SEMA4D: variants seen among roughly 807,000 people sequenced by gnomAD.
SEMA4D encodes the protein semaphorin-4D.
In SEMA4D, 22 loss-of-function variants were observed where a neutral mutation model predicts 74.8. That is an observed-to-expected ratio of 0.29 (90% confidence interval 0.21 to 0.42). SEMA4D has a LOEUF of 0.42. SEMA4D is among the 10% of genes least tolerant of loss of function. SEMA4D has a pLI of 1.00. For synonymous variants in SEMA4D, 445 were observed against 463.7 expected (o/e 0.96, Z 0.52); for missense variants, 937 against 1,118.4 (o/e 0.84, Z 2.31).
At chr9:89,400,573 G>A (rs1049856168) in intron 4 of SEMA4D, among the ~76,000 whole-genome samples, 1 of 152,178 alleles carries the variant, frequency 6.6e-6, no homozygotes, top group Non-Finnish European at 1.5e-5. Context: ...AGTACTAAGG[G>A]AGTGTCATTT....
downstream of SEMA4D, chr9:89,377,074 AAG>A: frequency 6.6e-7 from 1 of 1,518,688 alleles, no homozygotes; most frequent in South Asian, 1.2e-5. Context: ...GAGGACAGAA[AAG>A]AGAGGGCACT....
intron 1 of SEMA4D, among the ~76,000 whole-genome samples, chr9:89,491,433 G>A (rs892282519): frequency 6.6e-6 from 1 of 152,234 alleles, no homozygotes; most frequent in African/African-American, 2.4e-5. Context: ...AGCCGGGCAT[G>A]GTGGCGTGTG....
chr9:89,410,638 C>T lies in SEMA4D; in HGVS notation c.-243-4939G>A, dbSNP rs74768065. Reference sequence around the variant, plus strand: ...GTCCCACATGAACTGGCAGGAGCTCCGGGAAAAAAAATGAGGAATTATTAA... The same window carrying T: ...GTCCCACATGAACTGGCAGGAGCTCTGGGAAAAAAAATGAGGAATTATTAA... On this transcript the variant is annotated intron_variant, in intron 2 of 15. Transcript: ENST00000422704. 4.8e-4 allele frequency among the ~76,000 whole-genome samples: 73 copies of T among 151,638 alleles called. 2 individuals carry two copies. In the East Asian group the frequency reaches 5.0e-3, roughly 10 times the overall value.
At chr9:89,451,779 CTAAGTTTGCTTTAG>C (rs1854567811) in intron 2 of SEMA4D, among the ~76,000 whole-genome samples, 1 of 151,238 alleles carries the variant, frequency 6.6e-6, no homozygotes, top group Non-Finnish European at 1.5e-5. Context: ...AAAAAAAAGA[CTAAGTTTGCTTTAG>C]TAATATATTT....
downstream of SEMA4D, among the ~76,000 whole-genome samples, chr9:89,375,863 T>C (rs1455749254): frequency 1.3e-5 from 2 of 152,244 alleles, no homozygotes; most frequent in African/African-American, 4.8e-5. Context: ...TTTCTGTTTT[T>C]ATAATGATGA....
chr9:89,391,470 A>G, intron 8 of SEMA4D, 55 bp from the exon 9 acceptor site: 1 of 1,592,996 alleles, frequency 6.3e-7, no homozygotes, highest in East Asian at 2.2e-5. Context: ...GACTGCCTGC[A>G]CCCATGAGGT....
intron 18 of SEMA4D, chr9:89,363,420 G>A (rs572893680): frequency 1.7e-5 from 27 of 1,611,238 alleles, no homozygotes; most frequent in South Asian, 1.1e-4. Context: ...GCCCGGCTGC[G>A]GCCACTTACC....
chr9:89,431,814 T>C (rs1372656136), intron 2 of SEMA4D, among the ~76,000 whole-genome samples: 2 of 152,196 alleles, frequency 1.3e-5, no homozygotes, highest in East Asian at 1.9e-4. Context: ...TCTCTTTTGA[T>C]GGTTTCACCT....
rs774684013 is a variant in SEMA4D, at chr9:89,381,180, G to C, written c.1613C>G (p.Pro538Arg). Residue 538 changes from proline (P) to arginine (R), a missense_variant, in exon 14 of 16, where the codon CCC (proline) becomes CGC (arginine). Physicochemically the swap from Pro to Arg is moderately radical, Grantham distance 103 (BLOSUM62 -2). Transcript: ENST00000422704. This position sits in a 1 kb window ranked among gnomAD's most constrained non-coding sequence, Gnocchi z 4.6. ...AGCGCATCCCGCCCCATACCTGCTG[G>C]GGCTCTCGGTCTGGTGCAGAGCCAC... ...TCVALHQTES[P>R]SRGLIQEMSG... 43 of 1,613,662 alleles carry C rather than the reference G, an allele frequency of 2.7e-5. No individual in the cohort carries two copies. The highest frequency in any genetic ancestry group is 3.5e-5 in the Non-Finnish European group (41 of 1,179,758).
At chr9:89,397,613 A>G (rs1452744875) in intron 5 of SEMA4D, among the ~76,000 whole-genome samples, 2 of 152,228 alleles carry the variant, frequency 1.3e-5, no homozygotes, top group South Asian at 2.1e-4. Flanking sequence ...TCTCTTTTTT[A>G]GACTGGTTGG....
At chr9:89,374,531 G>A (rs1034799939), downstream of SEMA4D, among the ~76,000 whole-genome samples, 2 of 152,220 alleles carry the variant, frequency 1.3e-5, no homozygotes, top group Non-Finnish European at 2.9e-5. Context: ...CCTGCCCATG[G>A]CTGATAATGG....
intron 16 of SEMA4D, among the ~76,000 whole-genome samples, chr9:89,371,792 T>G (rs1407625346): frequency 6.9e-4 from 11 of 16,036 alleles, no homozygotes; most frequent in South Asian, 3.3e-3. Context: ...CGGGGTGTGT[T>G]TGGGGTGTGT....
intron 2 of SEMA4D, among the ~76,000 whole-genome samples, chr9:89,426,654 G>A (rs1441402036): frequency 6.6e-6 from 1 of 152,096 alleles, no homozygotes; most frequent in Non-Finnish European, 1.5e-5. Flanking sequence ...ACCGTCGTGC[G>A]CAGACACCAG....
chr9:89,452,036 TA>T (rs1854644610), intron 2 of SEMA4D, among the ~76,000 whole-genome samples: 1 of 152,114 alleles, frequency 6.6e-6, no homozygotes, highest in African/African-American at 2.4e-5. Context: ...CAGCCACTGA[TA>T]GGAGGAGGTG....
chr9:89,370,682 G>C (rs1025073393), intron 16 of SEMA4D, among the ~76,000 whole-genome samples: 1 of 150,660 alleles, frequency 6.6e-6, no homozygotes, highest in Admixed American at 6.6e-5. Flanking sequence ...TGTGGTGTGT[G>C]TGTCTGGTGT....
At chr9:89,418,922 C>A (rs1039608144) in intron 2 of SEMA4D, 2 of 152,070 alleles carry the variant, frequency 1.3e-5, no homozygotes, top group Non-Finnish European at 2.9e-5. Context: ...CTTATATGAT[C>A]ACGGCTCTTT....
intron 13 of SEMA4D, among the ~76,000 whole-genome samples, chr9:89,382,471 G>A (rs1837340215): frequency 6.6e-6 from 1 of 152,184 alleles, no homozygotes; most frequent in African/African-American, 2.4e-5. Context: ...GGAAGCCCCA[G>A]GCCACACATC....
At chr9:89,402,518 A>G (rs1196966430) in intron 4 of SEMA4D, among the ~76,000 whole-genome samples, 1 of 152,156 alleles carries the variant, frequency 6.6e-6, no homozygotes, top group Non-Finnish European at 1.5e-5. Context: ...AGATACCCAG[A>G]TGAAGAATGT....
intron 7 of SEMA4D, among the ~76,000 whole-genome samples, chr9:89,393,143 C>T (rs1840213931): frequency 6.6e-6 from 1 of 152,118 alleles, no homozygotes; most frequent in African/African-American, 2.4e-5. Flanking sequence ...AGTCATGGGG[C>T]AATAAGTAAA....
Sources: gnomAD v4.1 joint callset for allele counts (sites outside exome capture counted in the v4.1 genomes callset) on GRCh38, gnomAD v4.1.1 for gene constraint, Gnocchi (gnomAD v3.1) non-coding constraint, MANE v1.5 for transcripts, NCBI Gene and HGNC (gene_info 2026-07-23, HGNC 2026-07-21) for gene names.